NANOGNB: variants seen among roughly 807,000 people sequenced by gnomAD.
The protein encoded by NANOGNB is NANOG neighbor homeobox, also known as homeobox C14.
NANOGNB carries 30 observed loss-of-function variants against 25.0 expected under a neutral mutation model. That is an observed-to-expected ratio of 1.20 (90% CI 0.90 to 1.63). NANOGNB has a LOEUF of 1.63. Among genes scored for constraint, NANOGNB ranks in the 40% most tolerant of loss-of-function variants. The pLI is 0.00. For synonymous variants in NANOGNB, 84 were observed against 62.1 expected (o/e 1.35, Z -1.66); for missense variants, 200 against 188.1 (o/e 1.06, Z -0.37).
chr12:7,765,532 T>C (rs1479064795), intron 1 of NANOGNB, 145 bp downstream of exon 1: 2 of 156,844 alleles, frequency 1.3e-5, no homozygotes, highest in East Asian at 2.1e-4. Flanking sequence ...ATCGCGCCAC[T>C]GCACTCCAGC....
intron 1 of NANOGNB, among the ~76,000 whole-genome samples, chr12:7,767,896 G>T (rs773837992): frequency 6.6e-6 from 1 of 151,060 alleles, no homozygotes. Context: ...TATTTTTTGC[G>T]GAGAGGAGAC....
chr12:7,766,069 C>A, intron 1 of NANOGNB: 1 of 398,532 alleles, frequency 2.5e-6, no homozygotes, highest in Non-Finnish European at 4.4e-6. Flanking sequence ...CAGCCATTGA[C>A]TTGAGGAAGC....
intron 1 of NANOGNB, among the ~76,000 whole-genome samples, chr12:7,766,693 G>T (rs1426375993): frequency 6.6e-6 from 1 of 151,840 alleles, no homozygotes; most frequent in Non-Finnish European, 1.5e-5. Context: ...TGTCCGATTA[G>T]TTTTTTGTAT....
chr12:7,773,428 G>A (rs1167801685), intron 3 of NANOGNB, among the ~76,000 whole-genome samples: 1 of 151,372 alleles, frequency 6.6e-6, no homozygotes, highest in Non-Finnish European at 1.5e-5. Flanking sequence ...GCGGCTGGGT[G>A]CGTGGCTCAT....
rs763875382 is a variant in NANOGNB, at chr12:7,773,794, A to G, written c.516-6A>G. ...AACTCTTTTTTTTTTTTTTTTTTTT[A>G]AACAGATGGAGATCTCTGTGTTGCC... On this transcript the variant is annotated splice_polypyrimidine_tract_variant and splice_region_variant and intron_variant, in intron 3 of 3. Coordinates refer to ENST00000382119, the MANE Select transcript of NANOGNB (RefSeq NM_001145465.1). 9.3e-6 allele frequency: 4 copies of G among 428,564 alleles called. No homozygotes were observed. The highest frequency in any genetic ancestry group is 1.2e-5 in the Non-Finnish European group (3 of 256,958). The allele number at this position is 428,564 out of a possible 1,614,324, so 26.5% of individuals were successfully genotyped here.
At chr12:7,767,425 G>T (rs1865255389) in intron 1 of NANOGNB, among the ~76,000 whole-genome samples, 1 of 150,180 alleles carries the variant, frequency 6.7e-6, no homozygotes, top group Non-Finnish European at 1.5e-5. Context: ...GTGGCCTGGT[G>T]TGGTGGCTCA....
intron 1 of NANOGNB, among the ~76,000 whole-genome samples, chr12:7,769,111 A>T (rs1226199452): frequency 6.6e-6 from 1 of 152,136 alleles, no homozygotes; most frequent in African/African-American, 2.4e-5. Flanking sequence ...TTGCCAAGAC[A>T]GTTCCAAGAT....
intron 1 of NANOGNB, chr12:7,766,171 G>A: frequency 2.5e-6 from 1 of 398,516 alleles, no homozygotes; most frequent in South Asian, 1.3e-4. Context: ...GATCATTCAA[G>A]TAAGTAAGAT....
chr12:7,767,381 G>GTTT (rs63721661), intron 1 of NANOGNB, among the ~76,000 whole-genome samples: 65 of 140,290 alleles, frequency 4.6e-4, no homozygotes, highest in African/African-American at 1.6e-3. Flanking sequence ...TTACAAGAGG[G>GTTT]TTTTTTTTTT....
chr12:7,769,935 T>C lies in NANOGNB; in HGVS notation c.103-48T>C, dbSNP rs531900266. 4.4e-6 allele frequency: 6 copies of C among 1,375,442 alleles called. No individual in the cohort carries two copies. In the African/African-American group the frequency reaches 4.4e-5, roughly 10 times the overall value. 85.2% of individuals were successfully genotyped at this position (1,375,442 alleles called of 1,614,324 possible). ...AAGATTGTTGACTATGCTCTGAAAG[T>C]CAAATTTAGCTGCAGCTTGATTTTA... On this transcript the variant is annotated intron_variant, in intron 1 of 3. Coordinates refer to ENST00000382119, the MANE Select transcript of NANOGNB (RefSeq NM_001145465.1).
chr12:7,772,551 A>G (rs1274684140), intron 3 of NANOGNB, among the ~76,000 whole-genome samples: 1 of 145,034 alleles, frequency 6.9e-6, no homozygotes, highest in African/African-American at 2.6e-5. Context: ...TGCTGAGATT[A>G]CAGGCGTGAG....
chr12:7,771,716 G>A (rs1862569315), intron 3 of NANOGNB, among the ~76,000 whole-genome samples: 1 of 151,982 alleles, frequency 6.6e-6, no homozygotes, highest in Non-Finnish European at 1.5e-5. Context: ...TACCTCCTGG[G>A]TTCAAGCGAT....
rs1162796651 is a variant in NANOGNB, at chr12:7,773,793, T to TTA, written c.516-7_516-6insTA. The TTA allele has an allele frequency of 2.5e-5, 16 of 630,100 alleles. No homozygotes were observed. Among genetic ancestry groups the TTA allele is most frequent in the South Asian group, 7.0e-5 (4 of 57,110 alleles). The allele number at this position is 630,100 out of a possible 1,614,324, so 39.0% of individuals were successfully genotyped here. On this transcript the variant is annotated splice_polypyrimidine_tract_variant and splice_region_variant and intron_variant, in intron 3 of 3. Transcript: ENST00000382119. ...AAACTCTTTTTTTTTTTTTTTTTTT[T>TTA]AAACAGATGGAGATCTCTGTGTTGC...
chr12:7,767,162 T>C (rs1865253315), intron 1 of NANOGNB, among the ~76,000 whole-genome samples: 1 of 152,082 alleles, frequency 6.6e-6, no homozygotes, highest in African/African-American at 2.4e-5. Flanking sequence ...TTTTTTGCAA[T>C]GTCAGGGTCA....
chr12:7,765,569 C>CAAAAAA (rs1187331161), intron 1 of NANOGNB, among the ~76,000 whole-genome samples, 182 bp downstream of exon 1: 16 of 48,646 alleles, frequency 3.3e-4, no homozygotes, highest in Non-Finnish European at 5.4e-4. Flanking sequence ...GACTCCGTCT[C>CAAAAAA]AAAAAAAAAA....
chr12:7,766,024 G>T (rs1428209848), intron 1 of NANOGNB: 1 of 397,416 alleles, frequency 2.5e-6, no homozygotes, highest in Non-Finnish European at 4.4e-6. Context: ...AAATCAGTAG[G>T]GGAAAGAGGA....
chr12:7,770,698 C>T (rs529774261), intron 3 of NANOGNB, among the ~76,000 whole-genome samples, 180 bp downstream of exon 3: 42 of 152,228 alleles, frequency 2.8e-4, no homozygotes, highest in Non-Finnish European at 4.6e-4. Flanking sequence ...CCGCACCCTC[C>T]GCCTCCCAGG....
At chr12:7,766,991 C>T (rs1159273869) in intron 1 of NANOGNB, among the ~76,000 whole-genome samples, 1 of 151,562 alleles carries the variant, frequency 6.6e-6, no homozygotes, top group Non-Finnish European at 1.5e-5. Flanking sequence ...CAGGCGTGCG[C>T]CACCAAGCCT....
rs147254462 is a variant in NANOGNB at position 7,766,963 on chromosome 12, C to T, written c.102+1576C>T. Among the ~76,000 whole-genome samples the T allele has an allele frequency of 7.3e-3, 1,118 of 152,266 alleles. 6 individuals carry two copies. The highest frequency in any genetic ancestry group is 0.034 in the Middle Eastern group (10 of 294). ...TCAAGCGATTCTCCTGCCTCAACTT[C>T]TCAAGTAGCTGGGACTACAGGCGTG... On this transcript the variant is annotated intron_variant, in intron 1 of 3. Coordinates refer to ENST00000382119, the MANE Select transcript of NANOGNB (RefSeq NM_001145465.1).
Sources: gnomAD v4.1 joint callset for allele counts (sites outside exome capture counted in the v4.1 genomes callset) on GRCh38, gnomAD v4.1.1 for gene constraint, MANE v1.5 for transcripts, NCBI Gene and HGNC (gene_info 2026-07-23, HGNC 2026-07-21) for gene names.